Variants in AOAH observed in about 807,000 individuals in gnomAD.
AOAH encodes the protein acyloxyacyl hydrolase (neutrophil).
A neutral mutation model predicts 92.2 loss-of-function variants in AOAH; 64 were observed. The ratio of observed to expected loss-of-function variants is 0.69; its 90% CI spans 0.57 to 0.86. The LOEUF (loss-of-function observed/expected upper bound fraction) is 0.86, where lower values mean the gene tolerates loss of function less well. Among genes scored for constraint, AOAH ranks in the 40% least tolerant of loss-of-function variants. AOAH has a pLI of 0.00. For synonymous variants in AOAH, 263 were observed against 254.5 expected (o/e 1.03, Z -0.32); for missense variants, 656 against 694.6 (o/e 0.94, Z 0.62).
intron 1 of AOAH, among the ~76,000 whole-genome samples, chr7:36,688,062 C>T (rs983824737): frequency 6.6e-6 from 1 of 152,274 alleles, no homozygotes; most frequent in Non-Finnish European, 1.5e-5. Context: ...CACGGTCTTC[C>T]TGGGCTCTGA....
At chr7:36,684,560 A>T (rs1230090835) in intron 2 of AOAH, among the ~76,000 whole-genome samples, 1 of 152,122 alleles carries the variant, frequency 6.6e-6, no homozygotes, top group African/African-American at 2.4e-5. Context: ...AGAATATCAC[A>T]GTTTTAAAAC....
At chr7:36,532,806 G>C (rs186812861) in intron 16 of AOAH, among the ~76,000 whole-genome samples, 3 of 152,256 alleles carry the variant, frequency 2.0e-5, no homozygotes, top group Admixed American at 1.3e-4. Flanking sequence ...AAACGCTCAG[G>C]TCTGACCGAA....
Position 36,632,042 on chromosome 7 carries a change from A to G in AOAH, c.515T>C (p.Ile172Thr), listed in dbSNP as rs1562640867. Residue 172 changes from isoleucine (I) to threonine (T), a missense_variant, in exon 6 of 21, where the codon ATT (isoleucine) becomes ACT (threonine). Transcript: ENST00000617537. ...LPVLAKICQK[I>T]KLAMEQSVPF... is the part of the protein sequence containing the mutation. The stretch of plus-strand genomic sequence containing the variant: ...GTAGAAATTGTATACATACAATTTA[A>G]TTTTCTGGCAGATCTTGGCCAAAAC... 1.2e-6 allele frequency: 2 copies of G among 1,611,676 alleles called. No homozygotes were observed. The highest frequency in any genetic ancestry group is 1.7e-5 in the Admixed American group (1 of 59,858).
chr7:36,672,086 C>T (rs1795973559), intron 3 of AOAH, among the ~76,000 whole-genome samples: 1 of 152,138 alleles, frequency 6.6e-6, no homozygotes, highest in African/African-American at 2.4e-5. Flanking sequence ...AATAGTGGCA[C>T]TAGCTAAGAA....
intron 16 of AOAH, among the ~76,000 whole-genome samples, chr7:36,538,693 C>T (rs1473017269): frequency 1.3e-5 from 2 of 152,174 alleles, no homozygotes; most frequent in Non-Finnish European, 2.9e-5. Flanking sequence ...TTCAAAGAGA[C>T]ATTCTTAGCC....
chr7:36,687,373 G>C (rs1797099555), intron 1 of AOAH, among the ~76,000 whole-genome samples: 1 of 152,086 alleles, frequency 6.6e-6, no homozygotes, highest in Non-Finnish European at 1.5e-5. Context: ...AAAGCATGCA[G>C]GAACATGATA....
intron 1 of AOAH, 74 bp from the exon 2 acceptor site, chr7:36,686,868 ATGCGTG>A: frequency 3.4e-6 from 3 of 885,506 alleles, no homozygotes; most frequent in African/African-American, 3.6e-5. Flanking sequence ...GAAAGAAAGG[ATGCGTG>A]TGTGTGTGTG....
intron 19 of AOAH, among the ~76,000 whole-genome samples, chr7:36,528,082 T>C (rs75446672): frequency 2.0e-5 from 3 of 152,136 alleles, no homozygotes; most frequent in African/African-American, 7.2e-5. Context: ...TGGAGGCAGG[T>C]CCCACAGTGG....
chr7:36,536,707 G>C (rs1785080350), intron 16 of AOAH, among the ~76,000 whole-genome samples: 1 of 152,088 alleles, frequency 6.6e-6, no homozygotes, highest in Non-Finnish European at 1.5e-5. Context: ...CCAGCACTTT[G>C]GGAGGCCGAG....
intron 11 of AOAH, among the ~76,000 whole-genome samples, chr7:36,606,616 T>A (rs1184093315): frequency 6.6e-6 from 1 of 152,190 alleles, no homozygotes; most frequent in Non-Finnish European, 1.5e-5. Context: ...AAATGCAGCA[T>A]TTAATATGTT....
intron 12 of AOAH, among the ~76,000 whole-genome samples, chr7:36,585,852 G>A (rs1789287104): frequency 6.6e-6 from 1 of 152,182 alleles, no homozygotes; most frequent in South Asian, 2.1e-4. Context: ...GGGACAAAAA[G>A]TGAGGACTTC....
intron 5 of AOAH, among the ~76,000 whole-genome samples, chr7:36,634,581 CT>C (rs1697536600): frequency 1.3e-5 from 2 of 152,094 alleles, no homozygotes. Flanking sequence ...GAATAAATCC[CT>C]TCCTTCTTTA....
Position 36,666,257 on chromosome 7 carries a change from CTTCTTGTG to C in AOAH, c.291-7000_291-6993del, listed in dbSNP as rs553599320. Among the ~76,000 whole-genome samples, 485 of 152,092 alleles carry C rather than the reference CTTCTTGTG, an allele frequency of 3.2e-3. 2 individuals carry two copies. Among genetic ancestry groups the C allele is most frequent in the African/African-American group, 0.011 (464 of 41,504 alleles). On this transcript the variant is annotated intron_variant, in intron 3 of 20. Transcript: ENST00000617537. ...ATAGGCCTATTCAGATTGTCTATTT[CTTCTTGTG>C]TGTTTTGGCAGTTTGCGTCTTTCAA...
intron 11 of AOAH, among the ~76,000 whole-genome samples, chr7:36,598,646 T>C (rs1230379338): frequency 1.3e-5 from 2 of 152,222 alleles, no homozygotes; most frequent in African/African-American, 4.8e-5. Flanking sequence ...GAGTGACATT[T>C]ATTTGCCAGA....
At chr7:36,517,218 T>TTTTC (rs1562853983) in intron 20 of AOAH, among the ~76,000 whole-genome samples, 2 of 62,086 alleles carry the variant, frequency 3.2e-5, no homozygotes, top group Non-Finnish European at 7.8e-5. Flanking sequence ...TTCTTTCTCT[T>TTTTC]TCTTTCTGTC....
chr7:36,551,596 A>G (rs143131951), intron 13 of AOAH, among the ~76,000 whole-genome samples: 1 of 152,260 alleles, frequency 6.6e-6, no homozygotes, highest in Non-Finnish European at 1.5e-5. Context: ...TAGGCACCTC[A>G]TGTAGATGGC....
At chr7:36,655,933 G>A (rs1349532642) in intron 4 of AOAH, among the ~76,000 whole-genome samples, 1 of 152,086 alleles carries the variant, frequency 6.6e-6, no homozygotes, top group South Asian at 2.1e-4. Flanking sequence ...TGATAAGAGG[G>A]CTATCTAATA....
intron 3 of AOAH, among the ~76,000 whole-genome samples, chr7:36,662,742 A>G (rs769668428): frequency 5.3e-5 from 8 of 152,194 alleles, no homozygotes; most frequent in Non-Finnish European, 7.3e-5. Context: ...CACAACTTCA[A>G]GTAAGGCAAC....
intron 12 of AOAH, among the ~76,000 whole-genome samples, chr7:36,578,011 T>A (rs2116650516): frequency 6.6e-6 from 1 of 152,318 alleles, no homozygotes; most frequent in African/African-American, 2.4e-5. Context: ...GAAAATAGTA[T>A]CCCTTTTTTG....
Sources: allele counts gnomAD v4.1 joint callset (sites outside exome capture counted in the v4.1 genomes callset), GRCh38; gene constraint gnomAD v4.1.1; transcripts MANE v1.5; gene names NCBI Gene and HGNC (gene_info 2026-07-23, HGNC 2026-07-21).